The following RAB33A variants were observed in gnomAD, a reference collection of about 807,000 sequenced individuals.
The protein encoded by RAB33A is RAB33A, member RAS oncogene family.
A neutral mutation model predicts 12.0 loss-of-function variants in RAB33A; 6 were observed. The ratio of observed to expected loss-of-function variants is 0.50; its 90% CI spans 0.27 to 0.99. The LOEUF (loss-of-function observed/expected upper bound fraction) is 0.99, where lower values mean the gene tolerates loss of function less well. RAB33A is among the 50% of genes least tolerant of loss of function. The pLI is 0.11. For missense variants in RAB33A, 109 were observed against 192.0 expected, an observed-to-expected ratio of 0.57 and a Z score of 2.55; for synonymous variants, 70 against 82.4, an observed-to-expected ratio of 0.85 and a Z score of 0.81.
the RAB33A span, chrX:130,136,985 G>C: frequency 1.7e-6 from 2 of 1,204,270 alleles, no homozygotes; most frequent in South Asian, 3.6e-5. Flanking sequence ...AGGTGATAGG[G>C]CTTATGTCAA....
chrX:130,116,437 G>A, the RAB33A span, among the ~76,000 whole-genome samples: 2 of 111,761 alleles, frequency 1.8e-5, no homozygotes. Context: ...GGAACTACAG[G>A]TGCGCATCAC....
chrX:130,133,257 G>C, the RAB33A span: 2 of 1,193,464 alleles, frequency 1.7e-6, no homozygotes, highest in Non-Finnish European at 2.3e-6. Flanking sequence ...TCTGTGTTAT[G>C]GTCCTAGAGA....
At chrX:130,165,409 G>C in the RAB33A span, 3 of 545,257 alleles carry the variant, frequency 5.5e-6, no homozygotes, top group Non-Finnish European at 9.6e-6. Flanking sequence ...CAAGACTCAG[G>C]GTTCGGAGTC....
At chrX:130,134,323 G>A in the RAB33A span, among the ~76,000 whole-genome samples, 1 of 110,753 alleles carries the variant, frequency 9.0e-6, no homozygotes, top group African/African-American at 3.3e-5. Context: ...TCTACTTCCT[G>A]TTCTTTCCTT....
the RAB33A span, among the ~76,000 whole-genome samples, chrX:130,123,760 AGAC>A: frequency 1.9e-5 from 2 of 105,455 alleles, no homozygotes; most frequent in African/African-American, 3.4e-5. Flanking sequence ...AGAGATTCTG[AGAC>A]GAGGAGGGAG....
chrX:130,124,377 ACTCC>A, the RAB33A span, among the ~76,000 whole-genome samples: 5 of 111,968 alleles, frequency 4.5e-5, no homozygotes, highest in Admixed American at 9.5e-5. Context: ...TATGCTAGAT[ACTCC>A]CTGAGAAGCA....
At chrX:130,150,977 C>CAAAAAAAAAAAA in the RAB33A span, among the ~76,000 whole-genome samples, 3,762 of 27,484 alleles carry the variant, frequency 0.14, 609 homozygotes, top group African/African-American at 0.25. Context: ...GACTCTGTCT[C>CAAAAAAAAAAAA]AAAAAAAAAA....
the RAB33A span, among the ~76,000 whole-genome samples, chrX:130,128,612 A>G: frequency 8.9e-6 from 1 of 112,525 alleles, no homozygotes; most frequent in African/African-American, 3.2e-5. Context: ...AAAGTTAAGC[A>G]ATCTAAAATG....
At chrX:130,133,469 T>C in the RAB33A span, 1 of 1,201,242 alleles carries the variant, frequency 8.3e-7, no homozygotes, top group Non-Finnish European at 1.1e-6. Flanking sequence ...TGGAAACAAA[T>C]ACATAACATG....
chrX:130,178,249 T>A (rs2031683099), intron 1 of RAB33A, among the ~76,000 whole-genome samples: 1 of 109,065 alleles, frequency 9.2e-6, no homozygotes, highest in Non-Finnish European at 1.9e-5. Flanking sequence ...GCCTAGGAGG[T>A]TGAGGCTGCA....
the RAB33A span, among the ~76,000 whole-genome samples, chrX:130,159,189 A>C: frequency 8.9e-6 from 1 of 112,048 alleles, no homozygotes; most frequent in Non-Finnish European, 1.9e-5. Flanking sequence ...TTTTACTGGC[A>C]AATGAGTTAT....
In RAB33A at chrX:130,181,920, C is replaced by T. The variant is rs1055106968; in HGVS notation, c.259-2365C>T. On this transcript the variant is annotated intron_variant, in intron 1 of 1. Coordinates refer to ENST00000257017, the MANE Select transcript of RAB33A (RefSeq NM_004794.3). ...TGAGATCACACCACTGCACTCCAGC[C>T]TGGGCGACAGAACAAGACTCTCATC... Among the ~76,000 whole-genome samples, 6 of 109,442 alleles carry T rather than the reference C, an allele frequency of 5.5e-5. No individual in the cohort carries two copies. The East Asian group carries it at 1.7e-3, about 31-fold the overall frequency.
the RAB33A span, among the ~76,000 whole-genome samples, chrX:130,133,903 A>AT: frequency 9.2e-6 from 1 of 109,043 alleles, no homozygotes; most frequent in Admixed American, 9.8e-5. Flanking sequence ...AAGTGCTGGG[A>AT]TTACAGGCAT....
chrX:130,172,428 GCCTCTTGCTGAGCCGAGGAC>G (rs1796513058), intron 1 of RAB33A, 108 bp downstream of exon 1: 3 of 1,018,744 alleles, frequency 2.9e-6, no homozygotes, highest in Non-Finnish European at 3.9e-6. Flanking sequence ...TGGCGGTTTC[GCCTCTTGCTGAGCCGAGGAC>G]CCTCGGCTCC....
the RAB33A span, among the ~76,000 whole-genome samples, chrX:130,134,693 G>C: frequency 9.1e-6 from 1 of 110,447 alleles, no homozygotes; most frequent in Non-Finnish European, 1.9e-5. Context: ...CTCCAGCCGG[G>C]GGTGAACTGG....
chrX:130,152,155 C>T, the RAB33A span, among the ~76,000 whole-genome samples: 5 of 111,134 alleles, frequency 4.5e-5, no homozygotes, highest in African/African-American at 1.3e-4. Flanking sequence ...AAAAGTTTTA[C>T]CTAAAAAGAT....
intron 1 of RAB33A, among the ~76,000 whole-genome samples, chrX:130,180,143 C>G (rs1362855089): frequency 9.0e-6 from 1 of 111,051 alleles, no homozygotes; most frequent in East Asian, 2.9e-4. Flanking sequence ...CCAGGTGTAG[C>G]TGAGTAGTTT....
At chrX:130,165,136 G>C in the RAB33A span, among the ~76,000 whole-genome samples, 1 of 109,097 alleles carries the variant, frequency 9.2e-6, no homozygotes, top group South Asian at 4.0e-4. Flanking sequence ...AGGCTGAGCA[G>C]ATAACACCCT....
In RAB33A at chrX:130,172,140, G is replaced by T. The variant is rs35056592; in HGVS notation, c.78G>T (p.Ser26=). 10 of 1,210,889 alleles carry T rather than the reference G, an allele frequency of 8.3e-6. No individual in the cohort carries two copies. The highest frequency in any genetic ancestry group is 7.8e-6 in the Non-Finnish European group (7 of 895,299). ...AAGLASLELD[S]SLDQYVQIRI... ...GCCTGGCGTCCCTGGAGCTCGACTC[G>T]TCGCTGGACCAGTACGTGCAGATTC... Residue 26 remains serine, a synonymous_variant, in exon 1 of 2, where the codon TCG becomes TCT. Transcript: ENST00000257017.
Sources: allele counts gnomAD v4.1 joint callset (sites outside exome capture counted in the v4.1 genomes callset), GRCh38; gene constraint gnomAD v4.1.1; transcripts MANE v1.5; gene names NCBI Gene and HGNC (gene_info 2026-07-23, HGNC 2026-07-21).